Variants in CAP2 observed in about 807,000 individuals in gnomAD.
CAP2 encodes the protein cyclase associated actin cytoskeleton regulatory protein 2, also known as adenylyl cyclase-associated protein 2.
CAP2 carries 24 observed loss-of-function variants against 57.7 expected under a neutral mutation model. That is an observed-to-expected ratio of 0.42 (90% CI 0.30 to 0.58). The LOEUF is 0.58. CAP2 is among the 20% of genes least tolerant of loss of function. CAP2 has a pLI of 0.22. For synonymous variants in CAP2, 194 were observed against 207.2 expected, an observed-to-expected ratio of 0.94 and a Z score of 0.55; for missense variants, 501 against 590.3, an observed-to-expected ratio of 0.85 and a Z score of 1.57.
chr6:17,405,432 A>G (rs1758934961), intron 1 of CAP2, among the ~76,000 whole-genome samples: 1 of 152,198 alleles, frequency 6.6e-6, no homozygotes, highest in East Asian at 1.9e-4. Flanking sequence ...GAGATTAACA[A>G]TAATAACTAA....
intron 4 of CAP2, among the ~76,000 whole-genome samples, chr6:17,505,355 A>G (rs1468100618): frequency 1.3e-5 from 2 of 152,230 alleles, no homozygotes; most frequent in Non-Finnish European, 2.9e-5. Context: ...ATTTCCTAAT[A>G]GTTTGCTGTC....
At chr6:17,433,232 A>G (rs1368519100) in intron 3 of CAP2, among the ~76,000 whole-genome samples, 18 of 152,194 alleles carry the variant, frequency 1.2e-4, no homozygotes. Flanking sequence ...AGAAGCAAAC[A>G]GAAGGAACCA....
At chr6:17,443,346 T>G (rs558206563) in intron 3 of CAP2, among the ~76,000 whole-genome samples, 4 of 152,302 alleles carry the variant, frequency 2.6e-5, no homozygotes, top group Admixed American at 2.6e-4. Flanking sequence ...TTCTTTGTCT[T>G]GCCTCTTGCC....
rs143280428 is a variant in CAP2 at position 17,417,363 on chromosome 6, C to T, written c.-1-4192C>T. 1.5e-3 allele frequency among the ~76,000 whole-genome samples: 226 copies of T among 150,794 alleles called. 2 individuals carry two copies. Among genetic ancestry groups the T allele is most frequent in the African/African-American group, 4.9e-3 (200 of 40,920 alleles). ...TGAACACGGCTCACTGCAGCCTCGA[C>T]CTCCCAGGCTCAAGAGATCCTCCTG... On this transcript the variant is annotated intron_variant, in intron 1 of 12. Transcript: ENST00000229922.
intron 3 of CAP2, among the ~76,000 whole-genome samples, chr6:17,457,063 C>T (rs1298990796): frequency 6.6e-6 from 1 of 152,148 alleles, no homozygotes; most frequent in Admixed American, 6.5e-5. Context: ...ATCCTAAGAC[C>T]ACACGGCAAT....
At chr6:17,508,211 G>A (rs902454163) in intron 6 of CAP2, among the ~76,000 whole-genome samples, 2 of 152,180 alleles carry the variant, frequency 1.3e-5, no homozygotes, top group South Asian at 2.1e-4. Context: ...TGGGGTGTAC[G>A]CAGAGACACC....
intron 4 of CAP2, among the ~76,000 whole-genome samples, chr6:17,467,421 C>T (rs1027683093): frequency 1.8e-4 from 27 of 152,230 alleles, no homozygotes; most frequent in Admixed American, 2.6e-4. Flanking sequence ...TGAAATGATT[C>T]GATACAGGCA....
chr6:17,539,546 A>C, intron 8 of CAP2, 88 bp downstream of exon 8: 1 of 928,804 alleles, frequency 1.1e-6, no homozygotes, highest in Non-Finnish European at 1.6e-6. Context: ...AGTGATGGAT[A>C]CATCACTCCA....
At chr6:17,541,771 G>C (rs1762907682) in intron 9 of CAP2, among the ~76,000 whole-genome samples, 1 of 152,128 alleles carries the variant, frequency 6.6e-6, no homozygotes, top group Admixed American at 6.5e-5. Flanking sequence ...CTGACTATAT[G>C]TTCGTACCCA....
intron 4 of CAP2, among the ~76,000 whole-genome samples, chr6:17,489,998 A>G (rs1761507920): frequency 1.3e-5 from 2 of 152,216 alleles, no homozygotes; most frequent in South Asian, 4.2e-4. Context: ...ACACAACACA[A>G]TGCATTATCC....
In CAP2 at chr6:17,422,346, C is replaced by CT. The variant is rs11320178; in HGVS notation, c.121+691dup. ...CTTTGCCTATTCCTAACCAACTATG[C>CT]TTTTTTTTTTTTTTTTTTTTTGAGT... On this transcript the variant is annotated intron_variant, in intron 2 of 12. Coordinates refer to ENST00000229922, the MANE Select transcript of CAP2 (RefSeq NM_006366.3). Among the ~76,000 whole-genome samples the CT allele has an allele frequency of 6.2e-3, 556 of 90,262 alleles. 9 individuals are homozygous for CT. The highest frequency in any genetic ancestry group is 0.014 in the East Asian group (52 of 3,588). 59.2% of individuals were successfully genotyped at this position (90,262 alleles called of 152,430 possible). A position where few individuals can be genotyped will look rare whatever the true frequency, so the allele number is the denominator to read the frequency against.
intron 7 of CAP2, among the ~76,000 whole-genome samples, chr6:17,523,401 A>G (rs972669295): frequency 1.3e-5 from 2 of 152,166 alleles, no homozygotes; most frequent in Non-Finnish European, 2.9e-5. Context: ...GGTATAGGAG[A>G]GACATCCAAA....
chr6:17,540,485 T>G (rs1344203555), intron 8 of CAP2, among the ~76,000 whole-genome samples: 3 of 150,590 alleles, frequency 2.0e-5, no homozygotes, highest in African/African-American at 7.3e-5. Context: ...GTGCAGTGGC[T>G]CACGCCTGTA....
intron 4 of CAP2, among the ~76,000 whole-genome samples, chr6:17,506,028 G>A (rs1355797865): frequency 6.6e-6 from 1 of 152,062 alleles, no homozygotes; most frequent in Non-Finnish European, 1.5e-5. Flanking sequence ...CTGAGTAGCT[G>A]GAACTACAGG....
Position 17,462,846 on chromosome 6 carries a change from T to C in CAP2, c.223-150T>C. The C allele has an allele frequency of 6.3e-6, 4 of 636,532 alleles. 1 individual carries two copies. In the South Asian group the frequency reaches 7.6e-5, roughly 12 times the overall value. 39.4% of individuals were successfully genotyped at this position (636,532 alleles called of 1,614,324 possible). A position where few individuals can be genotyped will look rare whatever the true frequency, so the allele number is the denominator to read the frequency against. ...TTCCCATGTTTTGGTTATTATATGA[T>C]GCTGTTACGAACATTCATTTACAAG... is the stretch of plus-strand genomic sequence containing the variant. On this transcript the variant is annotated intron_variant, in intron 3 of 12. Coordinates refer to ENST00000229922, the MANE Select transcript of CAP2 (RefSeq NM_006366.3).
chr6:17,524,336 G>T (rs1006837194), intron 7 of CAP2, among the ~76,000 whole-genome samples: 1 of 152,120 alleles, frequency 6.6e-6, no homozygotes, highest in Admixed American at 6.6e-5. Flanking sequence ...GTTCTATTTA[G>T]AACTGTTTTT....
intron 3 of CAP2, among the ~76,000 whole-genome samples, chr6:17,440,318 C>T (rs750623023): frequency 2.4e-4 from 36 of 151,362 alleles, no homozygotes; most frequent in Non-Finnish European, 4.0e-4. Flanking sequence ...ATTGGTTGTT[C>T]GTATATGTGA....
chr6:17,433,661 C>T (rs565266453), intron 3 of CAP2, among the ~76,000 whole-genome samples: 60 of 152,356 alleles, frequency 3.9e-4, no homozygotes, highest in African/African-American at 1.3e-3. Flanking sequence ...CATTACTATG[C>T]TGTTGGCACC....
intron 4 of CAP2, among the ~76,000 whole-genome samples, chr6:17,468,949 C>T (rs562824634): frequency 5.9e-5 from 9 of 152,334 alleles, no homozygotes; most frequent in South Asian, 2.1e-4. Flanking sequence ...CCACACTACA[C>T]GTCATTTATA....
Sources: allele counts gnomAD v4.1 joint callset (sites outside exome capture counted in the v4.1 genomes callset), GRCh38; gene constraint gnomAD v4.1.1; transcripts MANE v1.5; gene names NCBI Gene and HGNC (gene_info 2026-07-23, HGNC 2026-07-21).